The following LEF1 variants were observed in gnomAD, a reference collection of about 807,000 sequenced individuals.
LEF1 encodes the protein lymphoid enhancer-binding factor 1.
Under a neutral mutation model 51.2 loss-of-function variants are expected in LEF1, and 14 were observed. The ratio of observed to expected loss-of-function variants is 0.27; its 90% CI spans 0.18 to 0.43. The LOEUF (loss-of-function observed/expected upper bound fraction) is 0.43, where lower values mean the gene tolerates loss of function less well. LEF1 is among the 20% of genes least tolerant of loss of function. The pLI is 1.00. For synonymous variants in LEF1, 185 were observed against 183.2 expected (o/e 1.01, Z -0.08); for missense variants, 386 against 512.0 (o/e 0.75, Z 2.37).
At position 108,048,697 on chromosome 4, in the gene LEF1, G is replaced by C. The variant is rs747235109; in HGVS notation, c.*61C>G. 1.2e-6 allele frequency: 2 copies of C among 1,609,598 alleles called. No homozygotes were observed. The highest frequency in any genetic ancestry group is 3.4e-5 in the Admixed American group (2 of 59,618). ...TCAACAAGCTTCCATCTCCAGAAGA[G>C]GTCCTGGGGTCGCTGCCTTGGCTTT... On this transcript the variant is annotated 3_prime_UTR_variant, in exon 12 of 12. Coordinates refer to ENST00000265165, the MANE Select transcript of LEF1 (RefSeq NM_016269.5).
At chr4:108,140,472 A>AT (rs1487002217) in intron 3 of LEF1, among the ~76,000 whole-genome samples, 5 of 152,000 alleles carry the variant, frequency 3.3e-5, no homozygotes, top group African/African-American at 1.2e-4. Flanking sequence ...GAGGGGATTG[A>AT]TTTTTTGTTT....
At chr4:108,057,694 C>T (rs940211451) in intron 11 of LEF1, among the ~76,000 whole-genome samples, 17 of 152,084 alleles carry the variant, frequency 1.1e-4, no homozygotes, top group Admixed American at 9.2e-4. Flanking sequence ...GGCTCTCGAA[C>T]ATCATCATCA....
intron 3 of LEF1, among the ~76,000 whole-genome samples, chr4:108,103,761 T>C (rs1245801543): frequency 6.6e-6 from 1 of 152,238 alleles, no homozygotes; most frequent in African/African-American, 2.4e-5. Flanking sequence ...TCAGTTGTTT[T>C]CTCTAAAGAA....
intron 3 of LEF1, among the ~76,000 whole-genome samples, chr4:108,126,278 C>T (rs2110342307): frequency 6.6e-6 from 1 of 152,234 alleles, no homozygotes; most frequent in African/African-American, 2.4e-5. Flanking sequence ...AGCAATCTCT[C>T]CACTGAAAAT....
chr4:108,106,446 T>C (rs1741172847), intron 3 of LEF1, among the ~76,000 whole-genome samples: 1 of 151,986 alleles, frequency 6.6e-6, no homozygotes, highest in African/African-American at 2.4e-5. Flanking sequence ...TTTTCAAGAT[T>C]GAGGCTGCCT....
chr4:108,149,541 CTT>C (rs1744228541), intron 3 of LEF1, among the ~76,000 whole-genome samples: 2 of 145,768 alleles, frequency 1.4e-5, no homozygotes, highest in Non-Finnish European at 3.0e-5. Context: ...AACAAAAAAA[CTT>C]TAACATCCAT....
chr4:108,129,232 C>G (rs578094199), intron 3 of LEF1, among the ~76,000 whole-genome samples: 1 of 152,316 alleles, frequency 6.6e-6, no homozygotes, highest in African/African-American at 2.4e-5. Context: ...CTCTGGTCAA[C>G]TCCACATTGT....
intron 3 of LEF1, among the ~76,000 whole-genome samples, chr4:108,135,375 G>A (rs533404257): frequency 3.9e-5 from 6 of 152,304 alleles, no homozygotes; most frequent in South Asian, 2.1e-4. Context: ...CAGCAGGCAC[G>A]GAGAATTAAG....
intron 3 of LEF1, among the ~76,000 whole-genome samples, chr4:108,096,564 G>A (rs1560786746): frequency 6.6e-6 from 1 of 152,194 alleles, no homozygotes; most frequent in African/African-American, 2.4e-5. Context: ...TAAAGCTGCT[G>A]CCTTACCAAA....
In LEF1 at chr4:108,167,677, C is replaced by G. The variant is rs779512732; in HGVS notation, c.91G>C (p.Asp31His). The change falls in exon 1 of 12, where the codon GAT (aspartate) becomes CAT (histidine). Residue 31 changes from aspartate to histidine, a missense_variant. Asp to His is a moderately conservative substitution (Grantham distance 81). Coordinates refer to ENST00000265165, the MANE Select transcript of LEF1 (RefSeq NM_016269.5). This position sits in a 1 kb window ranked among gnomAD's most constrained non-coding sequence, Gnocchi z 5.7. Reference sequence around the variant, plus strand: ...GCGAAGATCTTTTCCTTCTGAGGATCGCCCTCGTCCTTGAAGGGGATCATC... The same window carrying G: ...GCGAAGATCTTTTCCTTCTGAGGATGGCCCTCGTCCTTGAAGGGGATCATC... ...DEMIPFKDEG[D>H]PQKEKIFAEI... 1.9e-6 allele frequency: 3 copies of G among 1,614,202 alleles called. No individual in the cohort carries two copies. Among genetic ancestry groups the G allele is most frequent in the Non-Finnish European group, 2.5e-6 (3 of 1,180,022 alleles).
At chr4:108,113,726 TGG>T (rs1741666218) in intron 3 of LEF1, among the ~76,000 whole-genome samples, 1 of 152,124 alleles carries the variant, frequency 6.6e-6, no homozygotes. Context: ...GGTGGGACCA[TGG>T]ATAAATTGCA....
intron 3 of LEF1, among the ~76,000 whole-genome samples, chr4:108,122,777 T>C (rs951519803): frequency 1.3e-5 from 2 of 152,226 alleles, no homozygotes; most frequent in Admixed American, 6.5e-5. Context: ...TGAGCCACCA[T>C]GCCCAGCCAA....
intron 3 of LEF1, among the ~76,000 whole-genome samples, chr4:108,146,428 G>A (rs1319403573): frequency 2.0e-5 from 3 of 152,202 alleles, no homozygotes; most frequent in Non-Finnish European, 2.9e-5. Flanking sequence ...CCCCTAATAA[G>A]TTATTAACAT....
rs1739442066 is a variant in LEF1, at chr4:108,083,371, G to T, written c.623C>A (p.Thr208Asn). 1 of 1,612,260 alleles carries T rather than the reference G, an allele frequency of 6.2e-7. No homozygotes were observed. The highest frequency in any genetic ancestry group is 8.5e-7 in the Non-Finnish European group (1 of 1,178,282). Residue 208 changes from threonine to asparagine, a missense_variant, in exon 5 of 12, where the codon ACC (threonine) becomes AAC (asparagine). By Grantham distance (65) the Thr-to-Asn change is moderately conservative. Around this residue, in one of 2 missense-constraint regions of LEF1, gnomAD observed 335 missense variants for 390.7 expected, o/e 0.86. Transcript: ENST00000265165. ...AGGTTCTTACCAGCCAAGAGGTGGG[G>T]TGATCTGTCCAACACCACCCGGAGA... is the stretch of plus-strand genomic sequence containing the variant. Reference protein sequence around the residue: ...PLSPGGVGQITPPLGWQGQPV... With the variant: ...PLSPGGVGQINPPLGWQGQPV...
At chr4:108,129,192 T>A (rs903280341) in intron 3 of LEF1, among the ~76,000 whole-genome samples, 5 of 152,072 alleles carry the variant, frequency 3.3e-5, no homozygotes, top group African/African-American at 4.8e-5. Flanking sequence ...AGGACTGGGG[T>A]CACTTCAAAG....
chr4:108,127,975 C>T (rs995327568), intron 3 of LEF1, among the ~76,000 whole-genome samples: 1 of 152,182 alleles, frequency 6.6e-6, no homozygotes, highest in Non-Finnish European at 1.5e-5. Context: ...ACTTCCTTAA[C>T]TCTCCAACCA....
intron 8 of LEF1, among the ~76,000 whole-genome samples, chr4:108,072,577 G>A (rs1159368060): frequency 6.6e-6 from 1 of 152,200 alleles, no homozygotes; most frequent in Non-Finnish European, 1.5e-5. Flanking sequence ...ACACACAGCA[G>A]GGCTTGCCCT....
intron 3 of LEF1, among the ~76,000 whole-genome samples, chr4:108,129,384 C>G (rs1432785903): frequency 1.3e-5 from 2 of 152,116 alleles, no homozygotes; most frequent in African/African-American, 4.8e-5. Flanking sequence ...AATTCCAAAG[C>G]AAATTATAAT....
intron 3 of LEF1, among the ~76,000 whole-genome samples, chr4:108,108,884 C>T (rs1157524774): frequency 2.0e-5 from 3 of 152,162 alleles, no homozygotes; most frequent in East Asian, 1.9e-4. Context: ...GACTGAAGAT[C>T]GTACAAATAG....
Sources: gnomAD v4.1 joint callset for allele counts (sites outside exome capture counted in the v4.1 genomes callset) on GRCh38, gnomAD v4.1.1 for gene constraint, gnomAD v4.1.1 regional missense constraint, Gnocchi (gnomAD v3.1) non-coding constraint, MANE v1.5 for transcripts, NCBI Gene and HGNC (gene_info 2026-07-23, HGNC 2026-07-21) for gene names.